GRIN2A: variants seen among roughly 807,000 people sequenced by gnomAD.
The protein encoded by GRIN2A is glutamate receptor ionotropic, NMDA 2A.
A neutral mutation model predicts 113.4 loss-of-function variants in GRIN2A; 22 were observed. The observed-to-expected ratio is 0.19, with a 90% CI of 0.14 to 0.28. The LOEUF (loss-of-function observed/expected upper bound fraction) is 0.28. Among genes scored for constraint, GRIN2A ranks in the 10% least tolerant of loss-of-function variants. The pLI is 1.00. For synonymous variants in GRIN2A, 827 were observed against 738.4 expected (o/e 1.12, Z -1.94); for missense variants, 1,502 against 1,887.0 (o/e 0.80, Z 3.78).
intron 4 of GRIN2A, among the ~76,000 whole-genome samples, chr16:9,890,457 C>T (rs186911061): frequency 6.6e-6 from 1 of 152,190 alleles, no homozygotes; most frequent in African/African-American, 2.4e-5. Flanking sequence ...TTTTCAATAG[C>T]TAATATACAT....
At chr16:9,999,438 T>C (rs192750462) in intron 2 of GRIN2A, among the ~76,000 whole-genome samples, 269 of 152,332 alleles carry the variant, frequency 1.8e-3, no homozygotes, top group African/African-American at 6.3e-3. Flanking sequence ...TCATGTCTTT[T>C]GTAGGGACAT....
intron 3 of GRIN2A, among the ~76,000 whole-genome samples, chr16:9,919,516 AAGG>A (rs367549000): frequency 2.3e-4 from 35 of 152,314 alleles, no homozygotes; most frequent in African/African-American, 7.2e-4. Context: ...CCTGCATGGT[AAGG>A]AGAAGAGAAA....
intron 2 of GRIN2A, among the ~76,000 whole-genome samples, chr16:10,144,892 G>C (rs926668951): frequency 7.7e-6 from 1 of 130,602 alleles, no homozygotes; most frequent in Non-Finnish European, 1.5e-5. Flanking sequence ...CTGTACTCCA[G>C]CCTGGGCGAC....
At chr16:10,158,676 T>C (rs76472698) in intron 2 of GRIN2A, among the ~76,000 whole-genome samples, 5,913 of 152,188 alleles carry the variant, frequency 0.039, 312 homozygotes, top group African/African-American at 0.12. Flanking sequence ...ATGCAAAAGG[T>C]CACATAACAG....
At chr16:9,989,762 G>A (rs576058974) in intron 2 of GRIN2A, among the ~76,000 whole-genome samples, 1 of 152,178 alleles carries the variant, frequency 6.6e-6, no homozygotes, top group East Asian at 1.9e-4. Flanking sequence ...CATACATACA[G>A]TGGTCAGCAA....
intron 11 of GRIN2A, among the ~76,000 whole-genome samples, chr16:9,774,129 G>GTTTT (rs1470834429): frequency 6.6e-6 from 1 of 152,150 alleles, no homozygotes; most frequent in Non-Finnish European, 1.5e-5. Flanking sequence ...TTAGACAAAA[G>GTTTT]GCACAGACAG....
At chr16:10,113,886 T>A (rs573788873) in intron 2 of GRIN2A, among the ~76,000 whole-genome samples, 4 of 151,922 alleles carry the variant, frequency 2.6e-5, no homozygotes, top group South Asian at 2.1e-4. Flanking sequence ...CCTTGAGGAG[T>A]AGAGTCTTGA....
chr16:10,039,813 AAGAGAG>A (rs142696536), intron 2 of GRIN2A, among the ~76,000 whole-genome samples: 4 of 73,578 alleles, frequency 5.4e-5, no homozygotes, highest in East Asian at 4.9e-4. Flanking sequence ...GGGGGGGAGA[AAGAGAG>A]AGAGAGAGAG....
Position 10,149,070 on chromosome 16 carries a change from G to C in GRIN2A, c.414+30928C>G, listed in dbSNP as rs78814434. On this transcript the variant is annotated intron_variant, in intron 2 of 12. Coordinates refer to ENST00000330684, the MANE Select transcript of GRIN2A (RefSeq NM_001134407.3). Reference sequence around the variant, plus strand: ...GTAGTGCAATGGTTACCAGAGGCTGGAAAGGGTATTGGGGGTGTGAGGGCA... The same window carrying C: ...GTAGTGCAATGGTTACCAGAGGCTGCAAAGGGTATTGGGGGTGTGAGGGCA... Among the ~76,000 whole-genome samples the C allele has an allele frequency of 1.1e-3, 168 of 152,326 alleles. No homozygotes were observed. In the East Asian group the frequency reaches 0.017, roughly 15 times the overall value.
At chr16:10,134,433 CACTTGG>C (rs2049146554) in intron 2 of GRIN2A, among the ~76,000 whole-genome samples, 1 of 143,070 alleles carries the variant, frequency 7.0e-6, no homozygotes, top group Non-Finnish European at 1.5e-5. Context: ...ACAATGAGAA[CACTTGG>C]ACAGAAGGCG....
At chr16:9,919,888 G>A (rs969711267) in intron 3 of GRIN2A, among the ~76,000 whole-genome samples, 26 of 152,212 alleles carry the variant, frequency 1.7e-4, no homozygotes, top group African/African-American at 5.8e-4. Context: ...AATCCAAAAC[G>A]CTCTTTCCTC....
intron 4 of GRIN2A, among the ~76,000 whole-genome samples, chr16:9,867,195 C>T (rs2043175238): frequency 6.6e-6 from 1 of 152,186 alleles, no homozygotes; most frequent in Non-Finnish European, 1.5e-5. Context: ...ACCTGTAAAG[C>T]AGCAAGTACA....
intron 2 of GRIN2A, among the ~76,000 whole-genome samples, chr16:9,992,701 A>T (rs1017784750): frequency 1.3e-5 from 2 of 152,334 alleles, no homozygotes; most frequent in Admixed American, 1.3e-4. Context: ...ATAAATCAGG[A>T]TGCAGAGAAA....
intron 2 of GRIN2A, among the ~76,000 whole-genome samples, chr16:9,972,571 T>TA (rs376967118): frequency 8.0e-5 from 12 of 150,608 alleles, no homozygotes; most frequent in South Asian, 2.1e-4. Flanking sequence ...AAGAGGAAAA[T>TA]AAAAAAAAGA....
chr16:9,794,255 T>A (rs1224088087), intron 11 of GRIN2A, among the ~76,000 whole-genome samples: 3 of 152,228 alleles, frequency 2.0e-5, no homozygotes, highest in African/African-American at 7.2e-5. Flanking sequence ...GTTCCCTCAA[T>A]AACCAAACAC....
At chr16:9,811,647 T>C (rs984880757) in intron 10 of GRIN2A, among the ~76,000 whole-genome samples, 8 of 152,294 alleles carry the variant, frequency 5.3e-5, no homozygotes, top group East Asian at 3.9e-4. Flanking sequence ...GTGGTCCCAG[T>C]ACTCGGGATG....
At chr16:10,112,264 A>T (rs1479131567) in intron 2 of GRIN2A, 1 of 638,276 alleles carries the variant, frequency 1.6e-6, no homozygotes. Flanking sequence ...AAGTACCTCC[A>T]CCTCCAGGTG....
chr16:9,912,387 C>G (rs1287005329), intron 3 of GRIN2A, among the ~76,000 whole-genome samples: 1 of 151,906 alleles, frequency 6.6e-6, no homozygotes, highest in Non-Finnish European at 1.5e-5. Flanking sequence ...TTTCCAGAAC[C>G]ATGGTTCCAG....
intron 4 of GRIN2A, among the ~76,000 whole-genome samples, chr16:9,884,072 TA>T (rs2043540551): frequency 6.6e-6 from 1 of 152,230 alleles, no homozygotes; most frequent in Non-Finnish European, 1.5e-5. Flanking sequence ...ATATCCCTTT[TA>T]AAGTTTGTCT....
Sources: gnomAD v4.1 joint callset for allele counts (sites outside exome capture counted in the v4.1 genomes callset) on GRCh38, gnomAD v4.1.1 for gene constraint, MANE v1.5 for transcripts, NCBI Gene and HGNC (gene_info 2026-07-23, HGNC 2026-07-21) for gene names.